Variants in PIGP observed in about 807,000 individuals in gnomAD.
PIGP encodes the protein phosphatidylinositol N-acetylglucosaminyltransferase subunit P.
A neutral mutation model predicts 16.9 loss-of-function variants in PIGP; 12 were observed. That is an observed-to-expected ratio of 0.71 (90% confidence interval 0.46 to 1.15). The LOEUF (loss-of-function observed/expected upper bound fraction) is 1.15, where lower values mean the gene tolerates loss of function less well. PIGP is among the 50% of genes most tolerant of loss of function. The pLI is 0.00. For synonymous variants in PIGP, 57 were observed against 54.7 expected (o/e 1.04, Z -0.18); for missense variants, 159 against 153.5 (o/e 1.04, Z -0.19).
At chr21:37,071,668 G>C (rs2070045739) in intron 2 of PIGP, among the ~76,000 whole-genome samples, 1 of 152,136 alleles carries the variant, frequency 6.6e-6, no homozygotes, top group African/African-American at 2.4e-5. Context: ...CACTTTCCTG[G>C]TTTCCAAACA....
chr21:37,071,084 C>T (rs1601126234), intron 2 of PIGP, among the ~76,000 whole-genome samples: 2 of 152,210 alleles, frequency 1.3e-5, no homozygotes, highest in South Asian at 2.1e-4. Flanking sequence ...AAAGTGATTG[C>T]TTTTATTTAT....
chr21:37,072,672 G>T lies in PIGP; in HGVS notation c.-22-135C>A. 6.0e-6 allele frequency: 9 copies of T among 1,489,462 alleles called. No homozygotes were observed. The South Asian group carries it at 1.1e-4, about 17-fold the overall frequency. The allele number at this position is 1,489,462 out of a possible 1,614,324, so 92.3% of individuals were successfully genotyped here. ...TCCCGCGCCTCCGTCCGCAACCCGC[G>T]CCCCCGCCTCGAGCGCATACAGACA... On this transcript the variant is annotated intron_variant, in intron 1 of 4. Transcript: ENST00000360525.
At chr21:37,070,036 A>G (rs2069975387) in intron 2 of PIGP, among the ~76,000 whole-genome samples, 1 of 152,146 alleles carries the variant, frequency 6.6e-6, no homozygotes, top group Non-Finnish European at 1.5e-5. Context: ...CCACATACTG[A>G]GCTTCTGCCC....
intron 2 of PIGP, among the ~76,000 whole-genome samples, chr21:37,070,986 C>G (rs1206105239): frequency 1.3e-5 from 2 of 152,332 alleles, no homozygotes; most frequent in South Asian, 2.1e-4. Flanking sequence ...GTCTCAAACT[C>G]CCGACCTCAG....
At chr21:37,072,403 G>GC (rs1386828575) in intron 2 of PIGP, 31 bp downstream of exon 2, 2 of 1,613,154 alleles carry the variant, frequency 1.2e-6, no homozygotes, top group Admixed American at 1.7e-5. Flanking sequence ...GCCAGAAAAA[G>GC]CCCCTGGCCA....
chr21:37,069,549 T>G lies in PIGP; in HGVS notation c.155+3A>C. 1 of 1,525,096 alleles carries G rather than the reference T, an allele frequency of 6.6e-7. No homozygotes were observed. The allele number at this position is 1,525,096 out of a possible 1,614,324, so 94.5% of individuals were successfully genotyped here. On this transcript the variant is annotated splice_donor_region_variant and intron_variant, in intron 3 of 4. Coordinates refer to ENST00000360525, the MANE Select transcript of PIGP (RefSeq NM_153682.3). ...CCTCATTTAAGAAATATATTAAACT[T>G]ACTTTTGAGGCCAATAGGTTAAACC...
chr21:37,070,737 T>C (rs2146810605), intron 2 of PIGP, among the ~76,000 whole-genome samples: 1 of 152,296 alleles, frequency 6.6e-6, no homozygotes, highest in East Asian at 1.9e-4. Flanking sequence ...CAATAAATAC[T>C]TGAATTACTT....
chr21:37,070,574 A>G (rs887038596), intron 2 of PIGP, among the ~76,000 whole-genome samples: 21 of 152,178 alleles, frequency 1.4e-4, no homozygotes, highest in Middle Eastern at 3.2e-3. Flanking sequence ...TTCTCCCCAT[A>G]GTACGTTATC....
At chr21:37,071,975 C>G (rs2070080546) in intron 2 of PIGP, among the ~76,000 whole-genome samples, 1 of 152,202 alleles carries the variant, frequency 6.6e-6, no homozygotes, top group African/African-American at 2.4e-5. Context: ...CCCTCTCACG[C>G]CCTCATTCAA....
intron 2 of PIGP, among the ~76,000 whole-genome samples, chr21:37,071,109 A>C (rs964977793): frequency 6.6e-6 from 1 of 152,236 alleles, no homozygotes; most frequent in Admixed American, 6.5e-5. Flanking sequence ...ATAGCTTCTA[A>C]TCCTTGACAT....
intron 3 of PIGP, 125 bp from the exon 4 acceptor site, chr21:37,067,505 G>C (rs573584059): frequency 5.1e-6 from 3 of 590,592 alleles, no homozygotes; most frequent in East Asian, 6.0e-5. Flanking sequence ...GTACATAAGA[G>C]ACAAATAGTT....
intron 1 of PIGP, 112 bp downstream of exon 1, chr21:37,072,888 G>A: frequency 2.6e-6 from 1 of 384,044 alleles, no homozygotes; most frequent in Non-Finnish European, 4.7e-6. Flanking sequence ...CAGGCCCCGG[G>A]CCCTGCCCAT....
intron 1 of PIGP, 196 bp downstream of exon 1, chr21:37,072,804 C>T: frequency 1.8e-6 from 1 of 546,656 alleles, no homozygotes; most frequent in Admixed American, 3.5e-5. Flanking sequence ...CGTGGCCTCC[C>T]TGTGGGAGGG....
intron 2 of PIGP, chr21:37,072,099 CGT>C: frequency 1.2e-6 from 1 of 850,140 alleles, no homozygotes; most frequent in Non-Finnish European, 2.1e-6. Flanking sequence ...GTCTCTCCAC[CGT>C]GCTCCCTGAC....
chr21:37,072,622 A>G, intron 1 of PIGP, 85 bp from the exon 2 acceptor site: 1 of 1,601,188 alleles, frequency 6.2e-7, no homozygotes. Context: ...CGCCGCGGGT[A>G]CGGCCCCCGC....
At chr21:37,068,787 T>C (rs1034370237) in intron 3 of PIGP, among the ~76,000 whole-genome samples, 7 of 152,200 alleles carry the variant, frequency 4.6e-5, no homozygotes, top group Admixed American at 2.6e-4. Context: ...ACTATCTATC[T>C]TTTTCTGTGA....
chr21:37,068,519 T>C (rs2069945734), intron 3 of PIGP, among the ~76,000 whole-genome samples: 1 of 152,184 alleles, frequency 6.6e-6, no homozygotes, highest in Non-Finnish European at 1.5e-5. Flanking sequence ...TTATCTCTAT[T>C]TCCTTCAAAT....
At chr21:37,072,308 T>A in intron 2 of PIGP, 126 bp downstream of exon 2, 3 of 1,600,804 alleles carry the variant, frequency 1.9e-6, no homozygotes, top group Non-Finnish European at 2.6e-6. Flanking sequence ...CCCTTCAGAT[T>A]TTCTTAAAAA....
At chr21:37,070,312 A>G (rs937063699) in intron 2 of PIGP, among the ~76,000 whole-genome samples, 1 of 152,232 alleles carries the variant, frequency 6.6e-6, no homozygotes. Flanking sequence ...TACCTACTAC[A>G]TCAGTGATGA....
Sources: gnomAD v4.1 joint callset for allele counts (sites outside exome capture counted in the v4.1 genomes callset) on GRCh38, gnomAD v4.1.1 for gene constraint, MANE v1.5 for transcripts, NCBI Gene and HGNC (gene_info 2026-07-23, HGNC 2026-07-21) for gene names.